RALGDS: variants seen among roughly 807,000 people sequenced by gnomAD.
RALGDS encodes the protein ral guanine nucleotide exchange factor.
In RALGDS, 44 loss-of-function variants were observed where a neutral mutation model predicts 99.8. The observed-to-expected ratio is 0.44, with a 90% CI of 0.35 to 0.57. The LOEUF is 0.57. Among genes scored for constraint, RALGDS ranks in the 20% least tolerant of loss-of-function variants. The pLI is 0.01. For missense variants in RALGDS, 1,022 were observed against 1,203.1 expected (o/e 0.85, Z 2.23); for synonymous variants, 529 against 505.0 (o/e 1.05, Z -0.64).
rs1422960346 is a variant in RALGDS at position 133,106,021 on chromosome 9, C to A, written c.1518-5G>T. The A allele has an allele frequency of 6.2e-7, 1 of 1,606,524 alleles. No individual in the cohort carries two copies. Among genetic ancestry groups the A allele is most frequent in the African/African-American group, 1.3e-5 (1 of 74,186 alleles). On this transcript the variant is annotated splice_region_variant and splice_polypyrimidine_tract_variant and intron_variant, in intron 8 of 17. Transcript: ENST00000372050. ...TGAAAGATCCGGAAACTGTCCCTGTCAGAAGGGCAAAGAAGGAAAGAGAAA... is the reference window on the plus strand; with the variant it reads ...TGAAAGATCCGGAAACTGTCCCTGTAAGAAGGGCAAAGAAGGAAAGAGAAA...
chr9:133,118,357 G>A (rs1007859685), intron 1 of RALGDS, among the ~76,000 whole-genome samples: 2 of 152,228 alleles, frequency 1.3e-5, no homozygotes, highest in Non-Finnish European at 2.9e-5. Flanking sequence ...GCTGAAGGGA[G>A]ATGCTCCCTG....
In RALGDS at chr9:133,120,322, G is replaced by A. The variant is rs572669701; in HGVS notation, c.183+650C>T. Among the ~76,000 whole-genome samples, 19 of 152,190 alleles carry A rather than the reference G, an allele frequency of 1.2e-4. No individual in the cohort carries two copies. In the East Asian group the frequency reaches 3.7e-3, roughly 29 times the overall value. ...GGGTGTTGGCACTCTTTCCAGTTAA[G>A]CAGAAACAAGTCTTGCCCGCCCTGG... On this transcript the variant is annotated intron_variant, in intron 1 of 17. Coordinates refer to ENST00000372050, the MANE Select transcript of RALGDS (RefSeq NM_006266.4).
intron 16 of RALGDS, chr9:133,100,913 CGT>C (rs1216422588): frequency 1.9e-6 from 2 of 1,047,998 alleles, no homozygotes; most frequent in African/African-American, 3.4e-5. Context: ...GGGTCAGGAG[CGT>C]GTGTGAATAA....
intron 11 of RALGDS, 81 bp downstream of exon 11, chr9:133,103,666 C>T (rs1830866973): frequency 7.3e-7 from 1 of 1,372,400 alleles, no homozygotes; most frequent in South Asian, 1.2e-5. Context: ...ATTGCTGGGA[C>T]AGGTGTGGCA....
In RALGDS at chr9:133,121,181, C is replaced by CCGGCGGCG; in HGVS notation, c.-28_-27insCGCCGCCG. On this transcript the variant is annotated 5_prime_UTR_variant, in exon 1 of 18. Coordinates refer to ENST00000372050, the MANE Select transcript of RALGDS (RefSeq NM_006266.4). Reference sequence around the variant, plus strand: ...GAAGGCTCGCAGCGCGGGCGCGGGGCCGGCCCGGCGCGCGGCGGGGGCGGC... The same window carrying CCGGCGGCG: ...GAAGGCTCGCAGCGCGGGCGCGGGGCCGGCGGCGCGGCCCGGCGCGCGGCGGGGGCGGC... The CCGGCGGCG allele has an allele frequency of 9.6e-7, 1 of 1,042,266 alleles. No individual in the cohort carries two copies. Among genetic ancestry groups the CCGGCGGCG allele is most frequent in the Non-Finnish European group, 1.2e-6 (1 of 868,810 alleles). The allele number at this position is 1,042,266 out of a possible 1,614,324, so 64.6% of individuals were successfully genotyped here.
Position 133,130,993 on chromosome 9 carries a change from G to A in RALGDS, c.91C>T (p.Gln31Ter), listed in dbSNP as rs1360031957. ...CCGGGTGGATGCCCAGTCCCTGGCT[G>A]CAAGTGGAGGGCACAGGGCAGGGAG... Residue 31 changes from glutamine (Q) to a stop codon, truncating the protein, a stop_gained, in exon 1 of 18, where the codon CAG becomes TAG. Coordinates refer to the RALGDS transcript ENST00000372062. LOFTEE classifies it high-confidence loss of function. 1.2e-5 allele frequency: 18 copies of A among 1,535,500 alleles called. No homozygotes were observed. The highest frequency in any genetic ancestry group is 1.4e-5 in the Non-Finnish European group (16 of 1,146,844).
chr9:133,105,194 G>A (rs934078130), intron 9 of RALGDS, among the ~76,000 whole-genome samples: 3 of 152,156 alleles, frequency 2.0e-5, no homozygotes, highest in African/African-American at 7.2e-5. Context: ...AGGGAACTCT[G>A]TGTGTGTCCA....
chr9:133,129,317 A>G (rs767197612), intron 1 of RALGDS: 14 of 1,580,392 alleles, frequency 8.9e-6, no homozygotes, highest in Non-Finnish European at 1.1e-5. Context: ...TTCCCGGGCC[A>G]TGGTGGGGCG....
chr9:133,123,783 TAC>T (rs1229014197), upstream of RALGDS, among the ~76,000 whole-genome samples: 2 of 74,828 alleles, frequency 2.7e-5, 1 homozygote, highest in African/African-American at 1.1e-4. Flanking sequence ...GACACAAAGA[TAC>T]ACAGAGATGC....
At chr9:133,130,125 C>T (rs1832289967) in intron 1 of RALGDS, among the ~76,000 whole-genome samples, 1 of 152,208 alleles carries the variant, frequency 6.6e-6, no homozygotes, top group South Asian at 2.1e-4. Flanking sequence ...GCGCATGCCA[C>T]CACACCCAGC....
rs1335073051 is a variant in RALGDS, at chr9:133,144,253, A to G, written c.18+4710T>C. On this transcript the variant is annotated intron_variant, in intron 1 of 17. Transcript: ENST00000393160. The surrounding 1 kb of genome is among the most constrained non-coding windows in gnomAD (Gnocchi z 4.5). ...CGGCTCAGCTTGCAGGCGAGGAACC[A>G]AACGAAAGGCAAACTCCTGGCCCCT... 1.3e-5 allele frequency among the ~76,000 whole-genome samples: 2 copies of G among 152,112 alleles called. No individual in the cohort carries two copies. Among genetic ancestry groups the G allele is most frequent in the African/African-American group, 4.8e-5 (2 of 41,424 alleles).
chr9:133,108,610 T>C (rs529601570), intron 5 of RALGDS, 63 bp downstream of exon 5: 18 of 1,588,952 alleles, frequency 1.1e-5, no homozygotes, highest in Non-Finnish European at 1.5e-5. Context: ...AGCCTCCTCT[T>C]CGTGTGGCCC....
intron 9 of RALGDS, chr9:133,104,599 G>A (rs1830925102): frequency 2.1e-6 from 1 of 479,562 alleles, no homozygotes; most frequent in South Asian, 2.2e-5. Context: ...ATCACTTGAG[G>A]TCAGGAGTTT....
intron 1 of RALGDS, among the ~76,000 whole-genome samples, chr9:133,142,128 C>T (rs997831512): frequency 2.6e-5 from 4 of 152,226 alleles, no homozygotes; most frequent in African/African-American, 4.8e-5. Context: ...GGCTTGATGC[C>T]GGGTGGCTGG....
At chr9:133,113,469 G>A (rs1415178701) in intron 1 of RALGDS, among the ~76,000 whole-genome samples, 5 of 152,168 alleles carry the variant, frequency 3.3e-5, no homozygotes, top group Admixed American at 6.5e-5. Flanking sequence ...GCATTGTGCC[G>A]GGCTCCTGAC....
chr9:133,101,444 C>T, intron 16 of RALGDS, 76 bp downstream of exon 16: 1 of 1,603,050 alleles, frequency 6.2e-7, no homozygotes, highest in Non-Finnish European at 8.5e-7. Flanking sequence ...CCCGGGAGGG[C>T]AGGGATGGTG....
At chr9:133,137,728 A>G (rs976390073) in intron 1 of RALGDS, among the ~76,000 whole-genome samples, 1 of 152,176 alleles carries the variant, frequency 6.6e-6, no homozygotes, top group Non-Finnish European at 1.5e-5. Context: ...GGGACGGTGG[A>G]GGCGGTGGTA....
intron 1 of RALGDS, among the ~76,000 whole-genome samples, chr9:133,126,746 C>G (rs907761581): frequency 3.3e-5 from 5 of 152,212 alleles, no homozygotes; most frequent in African/African-American, 4.8e-5. Context: ...AGCCCAAGAA[C>G]CAAGAGTGAG....
intron 1 of RALGDS, among the ~76,000 whole-genome samples, chr9:133,115,676 G>T (rs1175780191): frequency 2.6e-5 from 4 of 152,192 alleles, no homozygotes; most frequent in Non-Finnish European, 5.9e-5. Flanking sequence ...TCGGTGACCG[G>T]CACTGGGACC....
Sources: gnomAD v4.1 joint callset for allele counts (sites outside exome capture counted in the v4.1 genomes callset) on GRCh38, gnomAD v4.1.1 for gene constraint, Gnocchi (gnomAD v3.1) non-coding constraint, MANE v1.5 for transcripts, NCBI Gene and HGNC (gene_info 2026-07-23, HGNC 2026-07-21) for gene names.